Variants in NINJ2 observed in about 807,000 individuals in gnomAD.
NINJ2 encodes ninjurin 2.
A neutral mutation model predicts 11.7 loss-of-function variants in NINJ2; 12 were observed. That is an observed-to-expected ratio of 1.02 (90% CI 0.66 to 1.66). NINJ2 has a LOEUF of 1.66. Among genes scored for constraint, NINJ2 ranks in the 40% most tolerant of loss-of-function variants. NINJ2 has a pLI of 0.00. For missense variants in NINJ2, 187 were observed against 181.8 expected (o/e 1.03, Z -0.16); for synonymous variants, 93 against 76.8 (o/e 1.21, Z -1.10).
At chr12:577,816 C>T (rs1160463911) in intron 1 of NINJ2, among the ~76,000 whole-genome samples, 2 of 152,010 alleles carry the variant, frequency 1.3e-5, no homozygotes, top group African/African-American at 2.4e-5. Context: ...CTCAGCCTCC[C>T]AAACTGTTGG....
intron 1 of NINJ2, among the ~76,000 whole-genome samples, chr12:608,470 T>C (rs1459540979): frequency 6.6e-6 from 1 of 152,248 alleles, no homozygotes; most frequent in Non-Finnish European, 1.5e-5. Flanking sequence ...CAAATACAAT[T>C]GCAGTCCTCA....
At position 585,621 on chromosome 12, in the gene NINJ2, A is replaced by T. The variant is rs934667461; in HGVS notation, c.34-19443T>A. On this transcript the variant is annotated intron_variant, in intron 1 of 3. Transcript: ENST00000305108. The surrounding 1 kb of genome is among the most constrained non-coding windows in gnomAD (Gnocchi z 4.1). ...TGTTGCACCCTGGCCTGCTCTGCGG[A>T]TGAGTCAGCAGCATCGATTAAGCAC... 1.3e-5 allele frequency among the ~76,000 whole-genome samples: 2 copies of T among 152,196 alleles called. No homozygotes were observed. Among genetic ancestry groups the T allele is most frequent in the Non-Finnish European group, 2.9e-5 (2 of 68,032 alleles).
intron 1 of NINJ2, among the ~76,000 whole-genome samples, chr12:605,758 A>G (rs1784613523): frequency 6.6e-6 from 1 of 152,166 alleles, no homozygotes; most frequent in Admixed American, 6.5e-5. Context: ...TGGGTTCTAT[A>G]TTAATATGGT....
intron 1 of NINJ2, among the ~76,000 whole-genome samples, chr12:567,635 G>C (rs1485562636): frequency 6.6e-6 from 1 of 152,134 alleles, no homozygotes; most frequent in Non-Finnish European, 1.5e-5. Context: ...GATTTACACA[G>C]AGGACAGTTG....
intron 1 of NINJ2, among the ~76,000 whole-genome samples, chr12:574,064 A>T (rs111842398): frequency 0.01 from 1,543 of 152,260 alleles, 24 homozygotes; most frequent in African/African-American, 0.035. Context: ...TCTACTAAAA[A>T]TACAAAATTA....
At chr12:624,500 A>G (rs1948189289) in intron 1 of NINJ2, among the ~76,000 whole-genome samples, 1 of 152,174 alleles carries the variant, frequency 6.6e-6, no homozygotes, top group African/African-American at 2.4e-5. Context: ...CAAATAAGCC[A>G]CAACACATGG....
At position 649,523 on chromosome 12, in the gene NINJ2, G is replaced by A. The variant is rs372407941; in HGVS notation, c.33+13805C>T. Among the ~76,000 whole-genome samples the A allele has an allele frequency of 1.5e-3, 74 of 48,624 alleles. 1 individual carries two copies. The Admixed American group carries it at 0.025, about 16-fold the overall frequency. The allele number at this position is 48,624 out of a possible 152,430, so 31.9% of individuals were successfully genotyped here. A position where few individuals can be genotyped will look rare whatever the true frequency, so the allele number is the denominator to read the frequency against. ...TCAGAAACAGTGAATATGTGTGTGT[G>A]TATATGTGTATATATATATATATAT... On this transcript the variant is annotated intron_variant, in intron 1 of 3. Coordinates refer to ENST00000305108, the MANE Select transcript of NINJ2 (RefSeq NM_016533.6).
intron 1 of NINJ2, among the ~76,000 whole-genome samples, chr12:599,590 G>GA (rs1947838393): frequency 6.6e-6 from 1 of 152,142 alleles, no homozygotes; most frequent in Non-Finnish European, 1.5e-5. Flanking sequence ...CCCATTTACT[G>GA]GTGAGAAAAC....
At chr12:650,883 G>A (rs1409659262) in intron 1 of NINJ2, among the ~76,000 whole-genome samples, 2 of 152,212 alleles carry the variant, frequency 1.3e-5, no homozygotes, top group Non-Finnish European at 2.9e-5. Context: ...ATCCAAAAGA[G>A]TGGGAAAGAC....
chr12:604,988 GT>G (rs1947922567), intron 1 of NINJ2, among the ~76,000 whole-genome samples: 1 of 152,226 alleles, frequency 6.6e-6, no homozygotes, highest in South Asian at 2.1e-4. Flanking sequence ...AAGAATATGT[GT>G]TTAGGATTTT....
rs1227135139 is a variant in NINJ2 at position 614,849 on chromosome 12, G to A, written c.33+48479C>T. ...CTTCACACGTCGGGCAGCGTGCATT[G>A]TCAGCGCTCTATGAAAAACAAATAG... On this transcript the variant is annotated intron_variant, in intron 1 of 3. Coordinates refer to ENST00000305108, the MANE Select transcript of NINJ2 (RefSeq NM_016533.6). The surrounding 1 kb of genome is among the most constrained non-coding windows in gnomAD (Gnocchi z 5.1). Among the ~76,000 whole-genome samples the A allele has an allele frequency of 6.6e-6, 1 of 152,178 alleles. No homozygotes were observed. The highest frequency in any genetic ancestry group is 2.4e-5 in the African/African-American group (1 of 41,452).
chr12:654,891 CAA>C (rs1196945250), intron 1 of NINJ2, among the ~76,000 whole-genome samples: 6 of 104,776 alleles, frequency 5.7e-5, no homozygotes, highest in Non-Finnish European at 7.9e-5. Flanking sequence ...AACTCCATTT[CAA>C]AAAAAAAAAA....
At chr12:576,627 G>C (rs577858386) in intron 1 of NINJ2, among the ~76,000 whole-genome samples, 2 of 152,284 alleles carry the variant, frequency 1.3e-5, no homozygotes, top group East Asian at 3.9e-4. Context: ...CCAAAGTGCC[G>C]GGGCTGCAGG....
At position 566,059 on chromosome 12, in the gene NINJ2, C is replaced by T. The variant is rs1345374663; in HGVS notation, c.153G>A (p.Lys51=). The T allele has an allele frequency of 1.9e-6, 3 of 1,614,170 alleles. No homozygotes were observed. The Admixed American group carries it at 5.0e-5, about 27-fold the overall frequency. Residue 51 remains lysine (K), a synonymous_variant, in exon 2 of 4, where the codon AAG becomes AAA. Transcript: ENST00000305108. ...AGGATGGTCCCTGCTCCAGCACCGC[C>T]TTCAGCCGCATGGCGTTGGACATGA... ...ALFMSNAMRL[K]AVLEQGPSSH...
At chr12:658,690 G>C (rs1937909468) in intron 1 of NINJ2, among the ~76,000 whole-genome samples, 1 of 150,514 alleles carries the variant, frequency 6.6e-6, no homozygotes, top group Non-Finnish European at 1.5e-5. Context: ...GCTATGCTAT[G>C]CTATGCTATG....
chr12:602,920 C>T (rs1490626628), intron 1 of NINJ2, among the ~76,000 whole-genome samples: 1 of 152,018 alleles, frequency 6.6e-6, no homozygotes, highest in African/African-American at 2.4e-5. Flanking sequence ...GAAGCCTGGA[C>T]CTCCTGAGCT....
rs1947719928 is a variant in NINJ2 at position 591,828 on chromosome 12, T to C, written c.34-25650A>G. 6.6e-6 allele frequency among the ~76,000 whole-genome samples: 1 copy of C among 152,128 alleles called. No individual in the cohort carries two copies. The highest frequency in any genetic ancestry group is 1.5e-5 in the Non-Finnish European group (1 of 68,034). On this transcript the variant is annotated intron_variant, in intron 1 of 3. Transcript: ENST00000305108. The surrounding 1 kb of genome is among the most constrained non-coding windows in gnomAD (Gnocchi z 5.0). ...ATATTTCTCAGGTTCTGGGCCTCAT[T>C]AGAACAGGAAAGCCTTCTGAAAGAG...
chr12:643,583 C>G (rs1412657381), intron 1 of NINJ2: 2 of 987,992 alleles, frequency 2.0e-6, no homozygotes, highest in East Asian at 2.3e-4. Context: ...GATGAGGAAA[C>G]CGAGGCTCGG....
intron 1 of NINJ2, among the ~76,000 whole-genome samples, chr12:636,469 A>G (rs1948353917): frequency 6.6e-6 from 1 of 152,026 alleles, no homozygotes; most frequent in South Asian, 2.1e-4. Context: ...ATATTTGTAA[A>G]CCATATTTCT....
Sources: gnomAD v4.1 joint callset for allele counts (sites outside exome capture counted in the v4.1 genomes callset) on GRCh38, gnomAD v4.1.1 for gene constraint, Gnocchi (gnomAD v3.1) non-coding constraint, MANE v1.5 for transcripts, NCBI Gene and HGNC (gene_info 2026-07-23, HGNC 2026-07-21) for gene names.